FUT2: variants seen among roughly 807,000 people sequenced by gnomAD.
FUT2 encodes the protein galactoside alpha-(1,2)-fucosyltransferase 2.
For missense variants in FUT2, 419 were observed against 465.8 expected, an observed-to-expected ratio of 0.90 and a Z score of 0.93; for synonymous variants, 182 against 193.1, an observed-to-expected ratio of 0.94 and a Z score of 0.48.
chr19:48,702,881 C>T, intron 1 of FUT2, 74 bp from the exon 2 acceptor site: 5 of 1,402,166 alleles, frequency 3.6e-6, no homozygotes, highest in Non-Finnish European at 4.0e-6. Context: ...CTGCACACCA[C>T]CGCATGGCCA....
intron 1 of FUT2, among the ~76,000 whole-genome samples, chr19:48,697,693 G>T (rs1009192758): frequency 2.0e-5 from 3 of 152,108 alleles, no homozygotes; most frequent in East Asian, 2.0e-4. Context: ...GTGGTTTGTT[G>T]TTGTTGTTGT....
At chr19:48,699,596 T>G (rs998877160) in intron 1 of FUT2, among the ~76,000 whole-genome samples, 1 of 152,052 alleles carries the variant, frequency 6.6e-6, no homozygotes, top group Non-Finnish European at 1.5e-5. Context: ...ACCCAGAGCC[T>G]AAAACGAACA....
rs1474644828 is a variant in FUT2, at chr19:48,703,035, C to T, written c.79C>T (p.His27Tyr). ...LFVFTVSTIF[H>Y]VQQRLAKIQA... ...TGTCTTTACGGTTTCCACTATATTTCACGTTCAGCAGCGGCTAGCGAAGAT... is the reference window on the plus strand; with the variant it reads ...TGTCTTTACGGTTTCCACTATATTTTACGTTCAGCAGCGGCTAGCGAAGAT... Residue 27 changes from histidine to tyrosine, a missense_variant, in exon 2 of 2, where the codon CAC becomes TAC. Transcript: ENST00000425340. 3 of 1,612,950 alleles carry T rather than the reference C, an allele frequency of 1.9e-6. No homozygotes were observed. Among genetic ancestry groups the T allele is most frequent in the Non-Finnish European group, 2.5e-6 (3 of 1,180,048 alleles).
chr19:48,699,254 C>T (rs1026032452), intron 1 of FUT2, among the ~76,000 whole-genome samples: 3 of 151,896 alleles, frequency 2.0e-5, no homozygotes, highest in African/African-American at 2.4e-5. Flanking sequence ...AGTGCAGTGG[C>T]GCGATCTTAG....
chr19:48,700,409 T>C (rs1211069747), intron 1 of FUT2, among the ~76,000 whole-genome samples: 3 of 151,566 alleles, frequency 2.0e-5, no homozygotes, highest in Non-Finnish European at 4.4e-5. Flanking sequence ...TCACCGCAAG[T>C]TGCGCCTCCC....
At chr19:48,700,782 C>T (rs1426532182) in intron 1 of FUT2, among the ~76,000 whole-genome samples, 1 of 144,656 alleles carries the variant, frequency 6.9e-6, no homozygotes, top group Non-Finnish European at 1.5e-5. Flanking sequence ...CTTCCTAAGC[C>T]TTCCAGCAAC....
chr19:48,699,346 C>T (rs1389236937), intron 1 of FUT2, among the ~76,000 whole-genome samples: 9 of 151,904 alleles, frequency 5.9e-5, no homozygotes, highest in South Asian at 2.1e-4. Flanking sequence ...TACAGGTGCG[C>T]GCCACCATGC....
chr19:48,700,248 T>G (rs968837606), intron 1 of FUT2, among the ~76,000 whole-genome samples: 13 of 149,344 alleles, frequency 8.7e-5, no homozygotes, highest in African/African-American at 3.2e-4. Context: ...CGGACCAGGG[T>G]CAGTTAATTT....
At chr19:48,698,837 A>G (rs759997291) in intron 1 of FUT2, among the ~76,000 whole-genome samples, 2 of 151,648 alleles carry the variant, frequency 1.3e-5, no homozygotes, top group Non-Finnish European at 2.9e-5. Flanking sequence ...CAGCCTCCCA[A>G]AGTGCTAGCA....
intron 1 of FUT2, among the ~76,000 whole-genome samples, chr19:48,698,872 G>C (rs1302117721): frequency 6.6e-6 from 1 of 151,890 alleles, no homozygotes; most frequent in Non-Finnish European, 1.5e-5. Context: ...CATCATGCCT[G>C]GTCCCTGTCT....
intron 1 of FUT2, among the ~76,000 whole-genome samples, chr19:48,700,443 C>T (rs1021843685): frequency 6.6e-6 from 1 of 151,862 alleles, no homozygotes; most frequent in Non-Finnish European, 1.5e-5. Flanking sequence ...TCTCCTGCCT[C>T]AACCTCCTGA....
Position 48,703,140 on chromosome 19 carries a change from G to A in FUT2, c.184G>A (p.Gly62Arg). Residue 62 changes from glycine (G) to arginine (R), a missense_variant, in exon 2 of 2, where the codon GGG becomes AGG. By Grantham distance (125) the Gly-to-Arg change is moderately radical. Transcript: ENST00000425340. ...SKALGPSQLR[G>R]MWTINAIGRL... Reference sequence around the variant, plus strand: ...GGCACTGGGACCCAGCCAGCTCAGGGGGATGTGGACGATCAATGCAATAGG... The same window carrying A: ...GGCACTGGGACCCAGCCAGCTCAGGAGGATGTGGACGATCAATGCAATAGG... 1 of 1,613,506 alleles carries A rather than the reference G, an allele frequency of 6.2e-7. No individual in the cohort carries two copies. The highest frequency in any genetic ancestry group is 8.5e-7 in the Non-Finnish European group (1 of 1,180,032).
chr19:48,704,982 C>T lies in FUT2; in HGVS notation c.*994C>T. Reference sequence around the variant, plus strand: ...GCCCTGAGGGGTTGTGTAGGTTGTTCACTGCAGGAAGTCCCCTGGTTAAGA... The same window carrying T: ...GCCCTGAGGGGTTGTGTAGGTTGTTTACTGCAGGAAGTCCCCTGGTTAAGA... On this transcript the variant is annotated 3_prime_UTR_variant, in exon 2 of 2. Transcript: ENST00000425340. 1 of 411,174 alleles carries T rather than the reference C, an allele frequency of 2.4e-6. No homozygotes were observed. Among genetic ancestry groups the T allele is most frequent in the Non-Finnish European group, 4.4e-6 (1 of 225,388 alleles). 25.5% of individuals were successfully genotyped at this position (411,174 alleles called of 1,614,324 possible).
At position 48,703,374 on chromosome 19, in the gene FUT2, A is replaced by T. The variant is rs1047781; in HGVS notation, c.418A>T (p.Ile140Phe). ...NDWMEEEYRH[I>F]PGEYVRFTGY... ...CTGGATGGAGGAGGAATACCGCCAC[A>T]TCCCGGGGGAGTACGTCCGCTTCAC... Residue 140 changes from isoleucine to phenylalanine, a missense_variant, in exon 2 of 2, where the codon ATC (isoleucine) becomes TTC (phenylalanine). Physicochemically the swap from Ile to Phe is conservative, Grantham distance 21 (BLOSUM62 0). Coordinates refer to ENST00000425340, the MANE Select transcript of FUT2 (RefSeq NM_000511.6). The T allele has an allele frequency of 0.014, 22,768 of 1,613,090 alleles. 4,633 individuals are homozygous for T. In the East Asian group the frequency reaches 0.44, roughly 31 times the overall value.
At position 48,703,379 on chromosome 19, in the gene FUT2, G is replaced by A. The variant is rs150802597; in HGVS notation, c.423G>A (p.Pro141=). ...DWMEEEYRHI[P]GEYVRFTGYP... Reference sequence around the variant, plus strand: ...TGGAGGAGGAATACCGCCACATCCCGGGGGAGTACGTCCGCTTCACCGGCT... The same window carrying A: ...TGGAGGAGGAATACCGCCACATCCCAGGGGAGTACGTCCGCTTCACCGGCT... Residue 141 remains proline (P), a synonymous_variant, in exon 2 of 2, where the codon CCG becomes CCA. Coordinates refer to ENST00000425340, the MANE Select transcript of FUT2 (RefSeq NM_000511.6). 1.4e-5 allele frequency: 23 copies of A among 1,612,724 alleles called. No homozygotes were observed. In the East Asian group the frequency reaches 1.6e-4, roughly 11 times the overall value.
chr19:48,701,717 G>T (rs974321879), intron 1 of FUT2, among the ~76,000 whole-genome samples: 2 of 151,904 alleles, frequency 1.3e-5, no homozygotes, highest in African/African-American at 4.8e-5. Context: ...ATCTTGGGCC[G>T]GGCGCGGTGG....
At chr19:48,697,345 C>CA (rs71179033) in intron 1 of FUT2, among the ~76,000 whole-genome samples, 34,985 of 96,718 alleles carry the variant, frequency 0.36, 5,959 homozygotes, top group African/African-American at 0.41. Flanking sequence ...AACTCCGTCT[C>CA]AAAAAAAAAA....
At chr19:48,697,993 CTTTTT>C (rs1023815002) in intron 1 of FUT2, among the ~76,000 whole-genome samples, 110 of 88,128 alleles carry the variant, frequency 1.2e-3, no homozygotes, top group Admixed American at 3.4e-3. Context: ...TGCACTGGCT[CTTTTT>C]TTTTTTTTTT....
intron 1 of FUT2, among the ~76,000 whole-genome samples, chr19:48,700,525 G>T (rs1417602565): frequency 6.6e-6 from 1 of 151,748 alleles, no homozygotes; most frequent in African/African-American, 2.4e-5. Flanking sequence ...TAGAGACGGG[G>T]TTTCACCGTG....
Sources: gnomAD v4.1 joint callset for allele counts (sites outside exome capture counted in the v4.1 genomes callset) on GRCh38, gnomAD v4.1.1 for gene constraint, MANE v1.5 for transcripts, NCBI Gene and HGNC (gene_info 2026-07-23, HGNC 2026-07-21) for gene names.